Variants in POC5 observed in about 807,000 individuals in gnomAD.
POC5 encodes POC5 centriolar protein.
In POC5, 48 loss-of-function variants were observed where a neutral mutation model predicts 62.9. The ratio of observed to expected loss-of-function variants is 0.76; its 90% CI spans 0.61 to 0.97. The LOEUF (loss-of-function observed/expected upper bound fraction) is 0.97, where lower values mean the gene tolerates loss of function less well. Among genes scored for constraint, POC5 ranks in the 50% least tolerant of loss-of-function variants. The pLI, the probability that POC5 is intolerant of heterozygous loss-of-function variation, is 0.00. For missense variants in POC5, 696 were observed against 679.5 expected, an observed-to-expected ratio of 1.02 and a Z score of -0.27; for synonymous variants, 236 against 228.2, an observed-to-expected ratio of 1.03 and a Z score of -0.31.
In POC5 at chr5:75,692,398, C is replaced by G. The variant is rs1395662640; in HGVS notation, c.793G>C (p.Asp265His). Residue 265 changes from aspartate to histidine, a missense_variant and splice_region_variant, in exon 7 of 12, where the codon GAT becomes CAT. By Grantham distance (81) the Asp-to-His change is moderately conservative (BLOSUM62 -1). Transcript: ENST00000428202. ...WRIGHVRARQ[D>H]VYEGKLADQY... ...CTGTCTTCTGCTTTGACACTTACAT[C>G]CTGTCTGGCTCTGACATGGCCGATT... 55 of 1,580,124 alleles carry G rather than the reference C, an allele frequency of 3.5e-5. No homozygotes were observed. The highest frequency in any genetic ancestry group is 4.6e-5 in the Non-Finnish European group (54 of 1,162,024).
intron 7 of POC5, among the ~76,000 whole-genome samples, chr5:75,690,896 A>G (rs999893389): frequency 2.6e-5 from 4 of 152,230 alleles, no homozygotes; most frequent in Admixed American, 6.5e-5. Flanking sequence ...CATCTTAGTT[A>G]TGAATTTAGC....
chr5:75,712,307 G>A, intron 2 of POC5: 1 of 1,436,944 alleles, frequency 7.0e-7, no homozygotes, highest in Non-Finnish European at 9.8e-7. Context: ...TTTTGATGAT[G>A]AAATATTTAG....
rs555293011 is a variant in POC5 at position 75,701,830 on chromosome 5, G to A, written c.513+775C>T. 3.3e-5 allele frequency among the ~76,000 whole-genome samples: 5 copies of A among 152,240 alleles called. 1 individual carries two copies. The South Asian group carries it at 1.0e-3, about 32-fold the overall frequency. On this transcript the variant is annotated intron_variant, in intron 5 of 11. Coordinates refer to ENST00000428202, the MANE Select transcript of POC5 (RefSeq NM_001099271.2). ...ATCAAAATAAAAATCAACTTTTATA[G>A]TTTTATCACTTACACATCATAGTTG...
chr5:75,678,086 ACAAAATCACAAGACGAAAAG>A, intron 10 of POC5, 136 bp from the exon 11 acceptor site: 1 of 647,286 alleles, frequency 1.5e-6, no homozygotes, highest in African/African-American at 1.9e-5. Flanking sequence ...CATGGAAAAA[ACAAAATCACAAGACGAAAAG>A]CAAAACAAAA....
chr5:75,684,870 CT>C (rs369470317), intron 10 of POC5, among the ~76,000 whole-genome samples: 11,243 of 136,158 alleles, frequency 0.083, 360 homozygotes, highest in South Asian at 0.11. Flanking sequence ...TACAAACAAG[CT>C]TTTTTTTTTT....
In POC5 at chr5:75,700,450, G is replaced by C. The variant is rs1455763301; in HGVS notation, c.513+2155C>G. Among the ~76,000 whole-genome samples the C allele has an allele frequency of 7.2e-5, 11 of 151,976 alleles. No homozygotes were observed. The South Asian group carries it at 8.4e-4, about 12-fold the overall frequency. ...ACTATCTGATCTTTGACAAACCTGAGAAAAACAAGCAATGAGGAAAGGATT... is the reference window on the plus strand; with the variant it reads ...ACTATCTGATCTTTGACAAACCTGACAAAAACAAGCAATGAGGAAAGGATT... On this transcript the variant is annotated intron_variant, in intron 5 of 11. Coordinates refer to ENST00000428202, the MANE Select transcript of POC5 (RefSeq NM_001099271.2).
At chr5:75,699,489 C>A (rs949952711) in intron 5 of POC5, among the ~76,000 whole-genome samples, 5 of 149,348 alleles carry the variant, frequency 3.3e-5, no homozygotes, top group African/African-American at 1.2e-4. Flanking sequence ...TCAATAGATG[C>A]AGAAAAGGCC....
chr5:75,716,189 C>T (rs1472237301), intron 1 of POC5, among the ~76,000 whole-genome samples: 1 of 152,082 alleles, frequency 6.6e-6, no homozygotes, highest in African/African-American at 2.4e-5. Flanking sequence ...ACTGTGCATA[C>T]ACATGTTAAG....
At chr5:75,689,646 T>G (rs1196580314) in intron 8 of POC5, 2 of 985,274 alleles carry the variant, frequency 2.0e-6, no homozygotes, top group African/African-American at 3.5e-5. Flanking sequence ...AGGCCAAACC[T>G]CAGGGGACTG....
Position 75,677,958 on chromosome 5 carries a change from G to T in POC5, c.1408-8C>A. On this transcript the variant is annotated splice_polypyrimidine_tract_variant and splice_region_variant and intron_variant, in intron 10 of 11. Coordinates refer to ENST00000428202, the MANE Select transcript of POC5 (RefSeq NM_001099271.2). ...TACAACTCTTGGCACATACTAAGAA[G>T]AAAAAAAAATAAAAGAAGTAACAAG... 1 of 1,458,676 alleles carries T rather than the reference G, an allele frequency of 6.9e-7. No homozygotes were observed. Among genetic ancestry groups the T allele is most frequent in the East Asian group, 2.5e-5 (1 of 39,252 alleles). The allele number at this position is 1,458,676 out of a possible 1,614,324, so 90.4% of individuals were successfully genotyped here.
chr5:75,674,639 C>T, intron 11 of POC5, 61 bp from the exon 12 acceptor site: 4 of 1,523,208 alleles, frequency 2.6e-6, no homozygotes, highest in Non-Finnish European at 3.6e-6. Context: ...TGTATCATTT[C>T]ATCATCTATC....
At chr5:75,705,841 T>C (rs1333439716) in intron 3 of POC5, 54 bp from the exon 4 acceptor site, 2 of 1,094,420 alleles carry the variant, frequency 1.8e-6, no homozygotes, top group Non-Finnish European at 2.6e-6. Flanking sequence ...AAATAAAATG[T>C]CTAATCACAC....
At chr5:75,716,238 A>G (rs1233016203) in intron 1 of POC5, among the ~76,000 whole-genome samples, 4 of 152,100 alleles carry the variant, frequency 2.6e-5, no homozygotes, top group African/African-American at 9.7e-5. Flanking sequence ...AGTTAAGCCA[A>G]TTAGGGAGGA....
chr5:75,692,846 C>T (rs1173525887), intron 6 of POC5, among the ~76,000 whole-genome samples: 1 of 151,970 alleles, frequency 6.6e-6, no homozygotes, highest in Non-Finnish European at 1.5e-5. Flanking sequence ...TCTTTATTCA[C>T]TAGATTTGAG....
intron 5 of POC5, 102 bp from the exon 6 acceptor site, chr5:75,694,933 C>T (rs1776497692): frequency 4.7e-6 from 4 of 846,794 alleles, no homozygotes; most frequent in Non-Finnish European, 1.8e-6. Context: ...GAACAAGCAT[C>T]AACACAAAAG....
intron 5 of POC5, among the ~76,000 whole-genome samples, chr5:75,700,630 A>C (rs1377049412): frequency 6.7e-6 from 1 of 150,024 alleles, no homozygotes; most frequent in African/African-American, 2.4e-5. Context: ...AAGAAAACCT[A>C]GGCATTACCA....
chr5:75,715,536 T>C (rs1777521979), intron 1 of POC5, among the ~76,000 whole-genome samples: 1 of 152,122 alleles, frequency 6.6e-6, no homozygotes, highest in Non-Finnish European at 1.5e-5. Flanking sequence ...GAATTCACTA[T>C]CATGAGAACA....
intron 1 of POC5, among the ~76,000 whole-genome samples, chr5:75,713,433 T>C (rs998595597): frequency 1.3e-5 from 2 of 152,258 alleles, no homozygotes; most frequent in African/African-American, 4.8e-5. Context: ...TCATTAAAAG[T>C]ACTTTTAGTA....
chr5:75,699,979 G>A (rs1309888138), intron 5 of POC5, among the ~76,000 whole-genome samples: 1 of 151,966 alleles, frequency 6.6e-6, no homozygotes, highest in African/African-American at 2.4e-5. Flanking sequence ...TTGCTTCAAA[G>A]AGAATAAAAT....
Sources: allele counts gnomAD v4.1 joint callset (sites outside exome capture counted in the v4.1 genomes callset), GRCh38; gene constraint gnomAD v4.1.1; transcripts MANE v1.5; gene names NCBI Gene and HGNC (gene_info 2026-07-23, HGNC 2026-07-21).